TPR: variants seen among roughly 807,000 people sequenced by gnomAD.
The protein encoded by TPR is translocated promoter region, nuclear basket protein.
TPR carries 51 observed loss-of-function variants against 316.1 expected under a neutral mutation model. The observed-to-expected ratio is 0.16, with a 90% CI of 0.13 to 0.20. TPR has a LOEUF of 0.20. TPR is among the 10% of genes least tolerant of loss of function. The probability of loss-of-function intolerance (pLI) is 1.00; values close to 1 mark genes in which losing one functional copy is unlikely to be tolerated. For missense variants in TPR, 2,272 were observed against 2,754.8 expected (o/e 0.82, Z 3.92); for synonymous variants, 981 against 914.7 (o/e 1.07, Z -1.31).
At chr1:186,339,955 C>T (rs1345852050) in intron 29 of TPR, among the ~76,000 whole-genome samples, 183 bp from the exon 30 acceptor site, 1 of 151,764 alleles carries the variant, frequency 6.6e-6, no homozygotes, top group Non-Finnish European at 1.5e-5. Flanking sequence ...GAAGTCTACC[C>T]ACAATACAAG....
At chr1:186,332,508 A>G (rs976378182) in intron 37 of TPR, among the ~76,000 whole-genome samples, 165 bp from the exon 38 acceptor site, 2 of 152,180 alleles carry the variant, frequency 1.3e-5, no homozygotes, top group African/African-American at 2.4e-5. Flanking sequence ...GTCCATCAAC[A>G]TAATTTGTTT....
chr1:186,338,577 ACTGAGTATTGTCAAATTTTTT>A (rs1178544989), intron 30 of TPR, among the ~76,000 whole-genome samples: 2 of 152,204 alleles, frequency 1.3e-5, no homozygotes, highest in African/African-American at 4.8e-5. Flanking sequence ...TTCCTACTGC[ACTGAGTATTGTCAAATTTTTT>A]CTGTAAAAGG....
At chr1:186,344,251 A>G (rs1219750659) in intron 25 of TPR, 124 bp downstream of exon 25, 1 of 1,352,814 alleles carries the variant, frequency 7.4e-7, no homozygotes, top group East Asian at 2.4e-5. Flanking sequence ...AGTGACCCCA[A>G]TATCACGCCA....
At chr1:186,371,841 A>T (rs1361372543) in intron 2 of TPR, among the ~76,000 whole-genome samples, 2 of 152,182 alleles carry the variant, frequency 1.3e-5, no homozygotes, top group East Asian at 1.9e-4. Flanking sequence ...TTACTGATCC[A>T]GAGTATATAA....
At position 186,325,927 on chromosome 1, in the gene TPR, C is replaced by T. The variant is rs543417529; in HGVS notation, c.6022-73G>A. The T allele has an allele frequency of 4.5e-5, 70 of 1,564,028 alleles. No individual in the cohort carries two copies. In the African/African-American group the frequency reaches 8.7e-4, roughly 19 times the overall value. Reference sequence around the variant, plus strand: ...TAAAAAAACCGGACAGAATAATTAACCAAACCAAACCACAACAAAAACAAA... The same window carrying T: ...TAAAAAAACCGGACAGAATAATTAATCAAACCAAACCACAACAAAAACAAA... On this transcript the variant is annotated intron_variant, in intron 41 of 50. Coordinates refer to ENST00000367478, the MANE Select transcript of TPR (RefSeq NM_003292.3).
chr1:186,314,077 C>T, intron 50 of TPR, 51 bp from the exon 51 acceptor site: 5 of 1,537,506 alleles, frequency 3.3e-6, no homozygotes, highest in Non-Finnish European at 4.5e-6. Flanking sequence ...GAATTCAAAA[C>T]TAGTGTATTC....
At chr1:186,336,909 T>G in intron 32 of TPR, 104 bp downstream of exon 32, 1 of 1,516,418 alleles carries the variant, frequency 6.6e-7, no homozygotes, top group South Asian at 1.2e-5. Context: ...AAGAATAAAA[T>G]GTATCCATTC....
chr1:186,348,235 G>A (rs932207210), intron 21 of TPR, among the ~76,000 whole-genome samples: 14 of 152,126 alleles, frequency 9.2e-5, no homozygotes, highest in South Asian at 2.1e-4. Flanking sequence ...AAAAGAATGC[G>A]TCCCTGGGGG....
Position 186,375,215 on chromosome 1 carries a change from AGC to A in TPR, c.-189_-188del, listed in dbSNP as rs1302159374. ...GGAAATCGAGTCCACCCTCAGCGGC[AGC>A]GTTTCAGCAACAGCACCTCACCGCC... On this transcript the variant is annotated 5_prime_UTR_variant, in exon 1 of 51. Coordinates refer to ENST00000367478, the MANE Select transcript of TPR (RefSeq NM_003292.3). 8 of 1,490,204 alleles carry A rather than the reference AGC, an allele frequency of 5.4e-6. No homozygotes were observed. The highest frequency in any genetic ancestry group is 4.8e-5 in the Admixed American group (2 of 41,766). The allele number at this position is 1,490,204 out of a possible 1,614,324, so 92.3% of individuals were successfully genotyped here.
intron 4 of TPR, among the ~76,000 whole-genome samples, chr1:186,365,638 A>G (rs1207728743): frequency 1.3e-5 from 2 of 152,242 alleles, no homozygotes; most frequent in Non-Finnish European, 2.9e-5. Flanking sequence ...GTTTTAAAGG[A>G]TAACACACTG....
At chr1:186,320,524 G>C in intron 45 of TPR, 106 bp from the exon 46 acceptor site, 1 of 895,180 alleles carries the variant, frequency 1.1e-6, no homozygotes, top group Admixed American at 3.1e-5. Context: ...CAACAAACTG[G>C]GAAGGAAACA....
At chr1:186,332,389 A>G in intron 37 of TPR, 46 bp from the exon 38 acceptor site, 1 of 1,596,328 alleles carries the variant, frequency 6.3e-7, no homozygotes, top group South Asian at 1.1e-5. Context: ...TAATAACTCA[A>G]TTTAGATAAA....
Position 186,312,764 on chromosome 1 carries a change from TA to T in TPR, c.*1206del. 1 of 1,612,684 alleles carries T rather than the reference TA, an allele frequency of 6.2e-7. No homozygotes were observed. The highest frequency in any genetic ancestry group is 2.2e-5 in the East Asian group (1 of 44,850). ...GGTATCTTTTATTAAACATGCCACTTACAGGTGTCCTTCATAATGAAGTTAA... is the reference window on the plus strand; with the variant it reads ...GGTATCTTTTATTAAACATGCCACTTCAGGTGTCCTTCATAATGAAGTTAA... On this transcript the variant is annotated 3_prime_UTR_variant, in exon 51 of 51. Transcript: ENST00000367478.
intron 2 of TPR, among the ~76,000 whole-genome samples, chr1:186,372,385 T>C (rs2101995146): frequency 6.6e-6 from 1 of 152,106 alleles, no homozygotes; most frequent in African/African-American, 2.4e-5. Flanking sequence ...CTACTAAAAA[T>C]ACAAAAATTA....
intron 49 of TPR, 54 bp from the exon 50 acceptor site, chr1:186,314,778 TATA>T (rs1657543255): frequency 8.5e-7 from 1 of 1,180,266 alleles, no homozygotes; most frequent in African/African-American, 1.5e-5. Flanking sequence ...AGAAAGCATT[TATA>T]ATGATACAAA....
chr1:186,319,949 T>C (rs1480148494), intron 46 of TPR, among the ~76,000 whole-genome samples: 1 of 152,214 alleles, frequency 6.6e-6, no homozygotes. Context: ...AGTGTCAAGC[T>C]GTAAACAGAA....
intron 36 of TPR, 149 bp downstream of exon 36, chr1:186,334,176 G>T (rs1356657559): frequency 4.9e-6 from 4 of 817,718 alleles, no homozygotes; most frequent in Non-Finnish European, 5.4e-6. Context: ...TTTGGTCCTA[G>T]AAGTATGTCC....
chr1:186,335,319 A>C lies in TPR; in HGVS notation c.4911+19T>G. On this transcript the variant is annotated intron_variant, in intron 34 of 50. Coordinates refer to ENST00000367478, the MANE Select transcript of TPR (RefSeq NM_003292.3). ...ACAAAGAAAAACAATTTGTTACTTA[A>C]GCAGAATTAGCTAATCACCTTATTA... The C allele has an allele frequency of 1.2e-6, 2 of 1,609,684 alleles. No homozygotes were observed. Among genetic ancestry groups the C allele is most frequent in the South Asian group, 2.2e-5 (2 of 89,930 alleles).
Position 186,350,257 on chromosome 1 carries a change from T to G in TPR, c.2742A>C (p.Gln914His), listed in dbSNP as rs1658819588. The change falls in exon 21 of 51, where the codon CAA becomes CAC. Residue 914 changes from glutamine to histidine, a missense_variant. Coordinates refer to ENST00000367478, the MANE Select transcript of TPR (RefSeq NM_003292.3). Reference sequence around the variant, plus strand: ...TTCTCTGTGAAGACTGAGAAGCAACTTGGACTTCCATATTACTGAGGTGCT... The same window carrying G: ...TTCTCTGTGAAGACTGAGAAGCAACGTGGACTTCCATATTACTGAGGTGCT... ...LKQHLSNMEV[Q>H]VASQSSQRTG... is the part of the protein sequence containing the mutation. 6.2e-7 allele frequency: 1 copy of G among 1,612,636 alleles called. No homozygotes were observed. Among genetic ancestry groups the G allele is most frequent in the East Asian group, 2.2e-5 (1 of 44,788 alleles).
Sources: allele counts gnomAD v4.1 joint callset (sites outside exome capture counted in the v4.1 genomes callset), GRCh38; gene constraint gnomAD v4.1.1; transcripts MANE v1.5; gene names NCBI Gene and HGNC (gene_info 2026-07-23, HGNC 2026-07-21).